WHRN: variants seen among roughly 807,000 people sequenced by gnomAD.
WHRN encodes the protein CASK-interacting protein CIP98.
A neutral mutation model predicts 68.3 loss-of-function variants in WHRN; 41 were observed. The observed-to-expected ratio is 0.60, with a 90% CI of 0.47 to 0.78. The LOEUF (loss-of-function observed/expected upper bound fraction) is 0.78, where lower values mean the gene tolerates loss of function less well. WHRN is among the 30% of genes least tolerant of loss of function. The probability of loss-of-function intolerance (pLI) is 0.00; values close to 1 mark genes in which losing one functional copy is unlikely to be tolerated. For missense variants in WHRN, 1,243 were observed against 1,244.7 expected (o/e 1.00, Z 0.02); for synonymous variants, 560 against 561.3 (o/e 1.00, Z 0.03).
chr9:114,461,138 A>C (rs1235481634), intron 3 of WHRN, among the ~76,000 whole-genome samples: 1 of 152,240 alleles, frequency 6.6e-6, no homozygotes, highest in Non-Finnish European at 1.5e-5. Context: ...AGGCAAACTA[A>C]AGTGAGTGGA....
intron 3 of WHRN, among the ~76,000 whole-genome samples, chr9:114,446,089 C>G (rs184227412): frequency 6.6e-6 from 1 of 152,236 alleles, no homozygotes; most frequent in Non-Finnish European, 1.5e-5. Context: ...GAAACTACAT[C>G]AAGATGCCAA....
At chr9:114,420,918 G>A (rs552887759) in intron 7 of WHRN, among the ~76,000 whole-genome samples, 9 of 152,010 alleles carry the variant, frequency 5.9e-5, no homozygotes, top group Admixed American at 4.6e-4. Flanking sequence ...AAGGCACCGC[G>A]AGCTCAAGTG....
At chr9:114,472,587 A>G (rs1276306653) in intron 2 of WHRN, among the ~76,000 whole-genome samples, 2 of 151,886 alleles carry the variant, frequency 1.3e-5, no homozygotes, top group African/African-American at 2.4e-5. Context: ...AATAGACTGT[A>G]TATTATTTCT....
intron 1 of WHRN, among the ~76,000 whole-genome samples, chr9:114,489,502 A>G (rs910512730): frequency 8.6e-3 from 18 of 2,100 alleles, no homozygotes; most frequent in Admixed American, 0.068. Context: ...ACACACACAC[A>G]CGCACACACG....
chr9:114,411,966 C>T (rs1835471394), intron 7 of WHRN, among the ~76,000 whole-genome samples: 1 of 152,244 alleles, frequency 6.6e-6, no homozygotes, highest in South Asian at 2.1e-4. Flanking sequence ...GAGAAGGCAG[C>T]CATAGCTGGC....
chr9:114,423,230 C>T lies in WHRN; in HGVS notation c.1626+84G>A, dbSNP rs1020498215. 29 of 1,433,346 alleles carry T rather than the reference C, an allele frequency of 2.0e-5. 1 individual carries two copies. Among genetic ancestry groups the T allele is most frequent in the African/African-American group, 1.5e-4 (11 of 71,164 alleles). The allele number at this position is 1,433,346 out of a possible 1,614,324, so 88.8% of individuals were successfully genotyped here. On this transcript the variant is annotated intron_variant, in intron 7 of 11. Coordinates refer to ENST00000362057, the MANE Select transcript of WHRN (RefSeq NM_015404.4). ...GCTGGTAAGTGGTGGTGCTGGGATT[C>T]GAACTCAGGCTGGTCTCACTCCAAA...
At chr9:114,430,362 C>T (rs1451274210) in intron 3 of WHRN, among the ~76,000 whole-genome samples, 1 of 152,170 alleles carries the variant, frequency 6.6e-6, no homozygotes, top group Non-Finnish European at 1.5e-5. Context: ...AGGGCATATA[C>T]ATACTAAAAA....
rs368729642 is a variant in WHRN at position 114,406,248 on chromosome 9, C to T, written c.2236+107G>A. ...TCCCTTCGCCACTCTGGCCCTGAGC[C>T]CCCTCAACAAGTAGCTGGTCCCCCC... On this transcript the variant is annotated intron_variant, in intron 9 of 11. Coordinates refer to ENST00000362057, the MANE Select transcript of WHRN (RefSeq NM_015404.4). 13 of 1,505,310 alleles carry T rather than the reference C, an allele frequency of 8.6e-6. No homozygotes were observed. In the East Asian group the frequency reaches 2.5e-4, roughly 29 times the overall value. The allele number at this position is 1,505,310 out of a possible 1,614,324, so 93.2% of individuals were successfully genotyped here. A position where few individuals can be genotyped will look rare whatever the true frequency, so the allele number is the denominator to read the frequency against.
intron 3 of WHRN, among the ~76,000 whole-genome samples, chr9:114,428,276 A>G (rs540939299): frequency 6.6e-6 from 1 of 152,354 alleles, no homozygotes; most frequent in South Asian, 2.1e-4. Flanking sequence ...CAGTGAGCCG[A>G]CATCGTGCCA....
At position 114,504,866 on chromosome 9, in the gene WHRN, G is replaced by A. The variant is rs1293223735; in HGVS notation, c.-65C>T. Reference sequence around the variant, plus strand: ...TGTGGGCGGTGCCGCTGTCCTCGCGGGTACTGGCGCGACAGCTGGATCCCC... The same window carrying A: ...TGTGGGCGGTGCCGCTGTCCTCGCGAGTACTGGCGCGACAGCTGGATCCCC... On this transcript the variant is annotated 5_prime_UTR_variant, in exon 1 of 12. Coordinates refer to ENST00000362057, the MANE Select transcript of WHRN (RefSeq NM_015404.4). The A allele has an allele frequency of 1.5e-6, 2 of 1,337,608 alleles. No homozygotes were observed. The highest frequency in any genetic ancestry group is 1.9e-6 in the Non-Finnish European group (2 of 1,053,760). The allele number at this position is 1,337,608 out of a possible 1,614,324, so 82.9% of individuals were successfully genotyped here. A position where few individuals can be genotyped will look rare whatever the true frequency, so the allele number is the denominator to read the frequency against.
At chr9:114,482,459 G>A (rs1235891801) in intron 1 of WHRN, among the ~76,000 whole-genome samples, 1 of 152,266 alleles carries the variant, frequency 6.6e-6, no homozygotes, top group African/African-American at 2.4e-5. Flanking sequence ...ACAGTCCTTG[G>A]GCCGGTTGCT....
intron 3 of WHRN, among the ~76,000 whole-genome samples, chr9:114,461,586 C>A (rs1055674742): frequency 3.9e-5 from 6 of 152,254 alleles, no homozygotes; most frequent in Non-Finnish European, 8.8e-5. Context: ...TGGCTTTCCA[C>A]GTTCAGCCAC....
At chr9:114,465,875 G>A (rs1225889882) in intron 3 of WHRN, among the ~76,000 whole-genome samples, 2 of 152,142 alleles carry the variant, frequency 1.3e-5, no homozygotes, top group Non-Finnish European at 1.5e-5. Context: ...TTTAAAATGG[G>A]AGCCAGTAAT....
intron 4 of WHRN, 128 bp from the exon 5 acceptor site, chr9:114,425,152 G>C (rs750892742): frequency 1.1e-6 from 1 of 938,572 alleles, no homozygotes; most frequent in Non-Finnish European, 1.8e-6. Context: ...GCCTCCACTC[G>C]CTGCCAGTTC....
chr9:114,470,031 C>T (rs544498450), intron 2 of WHRN, among the ~76,000 whole-genome samples: 9 of 152,336 alleles, frequency 5.9e-5, no homozygotes, highest in East Asian at 3.9e-4. Context: ...CGTGATGACA[C>T]GGGGCCCACC....
At position 114,442,528 on chromosome 9, in the gene WHRN, G is replaced by C. The variant is rs10116010; in HGVS notation, c.964-16115C>G. 8.7e-3 allele frequency among the ~76,000 whole-genome samples: 1,331 copies of C among 152,280 alleles called. 16 individuals carry two copies. Among genetic ancestry groups the C allele is most frequent in the African/African-American group, 0.026 (1,101 of 41,558 alleles). ...AAGGGCTGATATGGTTTGGATATTC[G>C]TCCCCTACAAATCTCATGTGATCCC... On this transcript the variant is annotated intron_variant, in intron 3 of 11. Transcript: ENST00000362057.
chr9:114,491,694 G>A (rs868047504), intron 1 of WHRN: 2 of 251,722 alleles, frequency 7.9e-6, no homozygotes, highest in Non-Finnish European at 1.7e-5. Flanking sequence ...TGGAGATCAT[G>A]CAGCAGAAGG....
chr9:114,452,835 T>C (rs1027598441), intron 3 of WHRN, among the ~76,000 whole-genome samples: 9 of 151,768 alleles, frequency 5.9e-5, no homozygotes, highest in African/African-American at 2.2e-4. Context: ...ATTTCACACA[T>C]GGGGATGCTG....
chr9:114,492,128 G>A (rs1564227653), intron 1 of WHRN, among the ~76,000 whole-genome samples: 1 of 151,876 alleles, frequency 6.6e-6, no homozygotes, highest in Non-Finnish European at 1.5e-5. Context: ...ACCCAGTGTC[G>A]GCATGGCTGG....
Sources: allele counts gnomAD v4.1 joint callset (sites outside exome capture counted in the v4.1 genomes callset), GRCh38; gene constraint gnomAD v4.1.1; transcripts MANE v1.5; gene names NCBI Gene and HGNC (gene_info 2026-07-23, HGNC 2026-07-21).